The following RP1 variants were observed in gnomAD, a reference collection of about 807,000 sequenced individuals.
RP1 encodes the protein oxygen-regulated protein 1.
Under a neutral mutation model 14.8 loss-of-function variants are expected in RP1, and 16 were observed. The observed-to-expected ratio is 1.08, with a 90% confidence interval of 0.73 to 1.65. The LOEUF is 1.65. Ranked by LOEUF, RP1 falls within the 40% of genes most tolerant of loss-of-function variation. RP1 has a pLI of 0.00. For synonymous variants in RP1, 876 were observed against 883.6 expected (o/e 0.99, Z 0.15); for missense variants, 2,631 against 2,535.0 (o/e 1.04, Z -0.81).
chr8:54,819,843 C>T (rs1271601579), intron 24 of RP1, among the ~76,000 whole-genome samples: 1 of 152,164 alleles, frequency 6.6e-6, no homozygotes, highest in Non-Finnish European at 1.5e-5. Context: ...GCCTCTCTCT[C>T]CATGAAGGGC....
chr8:54,844,594 GT>G (rs1304722109), intron 25 of RP1, among the ~76,000 whole-genome samples: 3 of 152,150 alleles, frequency 2.0e-5, no homozygotes, highest in Non-Finnish European at 4.4e-5. Flanking sequence ...TTGCCTCTGT[GT>G]GTGCGTATGT....
chr8:54,584,785 G>C (rs939539872), intron 1 of RP1, among the ~76,000 whole-genome samples: 4 of 152,052 alleles, frequency 2.6e-5, no homozygotes, highest in Middle Eastern at 3.2e-3. Context: ...GATCTTTGTT[G>C]GTTTATAGTC....
chr8:54,728,318 G>C lies in RP1; in HGVS notation c.2521+1842G>C, dbSNP rs557352834. ...ATAGTTAAAAAGTTGCTTCTTGCAA[G>C]AAATACCTTCCTCTTGGTTTTGCAC... is the stretch of plus-strand genomic sequence containing the variant. On this transcript the variant is annotated intron_variant, in intron 17 of 22. Coordinates refer to the RP1 transcript ENST00000636932. Among the ~76,000 whole-genome samples, 5 of 152,262 alleles carry C rather than the reference G, an allele frequency of 3.3e-5. No homozygotes were observed. The South Asian group carries it at 1.0e-3, about 32-fold the overall frequency.
intron 21 of RP1, among the ~76,000 whole-genome samples, chr8:54,756,782 C>T (rs547325835): frequency 2.6e-5 from 4 of 152,306 alleles, no homozygotes; most frequent in Non-Finnish European, 5.9e-5. Flanking sequence ...ACCCTGGCTG[C>T]CTGCTAGTTG....
rs775731489 is a variant in RP1 at position 54,626,178 on chromosome 8, C to A, written c.2296C>A (p.Gln766Lys). The part of the protein sequence containing the change: ...NFHRNKLNTT[Q>K]NSKVQGLLTK... ...CCATAGAAATAAATTAAATACTACT[C>A]AAAATTCCAAGGTTCAAGGACTTTT... The change falls in exon 4 of 4, where the codon CAA (glutamine) becomes AAA (lysine). Residue 766 changes from glutamine (Q) to lysine (K), a missense_variant. Coordinates refer to ENST00000220676, the MANE Select transcript of RP1 (RefSeq NM_006269.2). 7 of 1,610,930 alleles carry A rather than the reference C, an allele frequency of 4.3e-6. No homozygotes were observed. The highest frequency in any genetic ancestry group is 1.3e-5 in the African/African-American group (1 of 74,628).
chr8:54,809,735 T>C (rs1810942416), intron 24 of RP1, among the ~76,000 whole-genome samples: 1 of 152,236 alleles, frequency 6.6e-6, no homozygotes, highest in African/African-American at 2.4e-5. Context: ...ACTACATGCA[T>C]GCCATTTGCC....
chr8:54,696,909 C>A, intron 12 of RP1: 1 of 811,580 alleles, frequency 1.2e-6, no homozygotes. Context: ...ACAGACAACA[C>A]AGTGATTGAG....
At position 54,627,845 on chromosome 8, in the gene RP1, T is replaced by C. The variant is rs140674233; in HGVS notation, c.3963T>C (p.His1321=). ...SDKACAQKEN[H]TYEGACPIDE... ...AGGCTTGTGCTCAAAAGGAGAACCA[T>C]ACCTATGAGGGAGCTTGCCCAATTG... Residue 1321 remains histidine, a synonymous_variant, in exon 4 of 4, where the codon CAT becomes CAC. Transcript: ENST00000220676. 6.2e-7 allele frequency: 1 copy of C among 1,614,178 alleles called. No individual in the cohort carries two copies. The highest frequency in any genetic ancestry group is 1.1e-5 in the South Asian group (1 of 91,092).
At chr8:54,574,097 A>G (rs1488310351) in intron 1 of RP1, among the ~76,000 whole-genome samples, 1 of 152,170 alleles carries the variant, frequency 6.6e-6, no homozygotes, top group Non-Finnish European at 1.5e-5. Context: ...AGCCAGGCCT[A>G]TACCATGGAG....
chr8:54,618,218 G>C (rs774488011), intron 1 of RP1, among the ~76,000 whole-genome samples: 4 of 152,174 alleles, frequency 2.6e-5, no homozygotes, highest in Non-Finnish European at 5.9e-5. Flanking sequence ...GGTACCTTCA[G>C]CACCTGCCCT....
intron 16 of RP1, among the ~76,000 whole-genome samples, chr8:54,722,274 T>TGTG (rs564438127): frequency 0.022 from 3,193 of 143,714 alleles, 67 homozygotes; most frequent in African/African-American, 0.041. Context: ...GTTTTTTTTT[T>TGTG]TGTGTGTGTG....
intron 12 of RP1, among the ~76,000 whole-genome samples, chr8:54,692,006 C>T (rs571119742): frequency 3.9e-5 from 6 of 152,024 alleles, no homozygotes; most frequent in African/African-American, 1.2e-4. Context: ...GTGATGTTCC[C>T]CTTCCTGTGT....
At chr8:54,617,693 ATTAGACATCCCTCC>A (rs1805754257) in intron 1 of RP1, among the ~76,000 whole-genome samples, 1 of 152,192 alleles carries the variant, frequency 6.6e-6, no homozygotes, top group African/African-American at 2.4e-5. Context: ...CTGAGGCTGT[ATTAGACATCCCTCC>A]TTAATATTCT....
At position 54,621,254 on chromosome 8, in the gene RP1, GGA is replaced by G. The variant is rs1227420635; in HGVS notation, c.290_291del (p.Glu97AlafsTer37). 3 of 1,614,036 alleles carry G rather than the reference GGA, an allele frequency of 1.9e-6. No individual in the cohort carries two copies. Among genetic ancestry groups the G allele is most frequent in the Non-Finnish European group, 2.5e-6 (3 of 1,180,042 alleles). Reference sequence around the variant, plus strand: ...GCAGGCACAGCATCACGCGCCTGGAGGAGCTGGAGGACGGCGAGTCCTACCTA... The same window carrying G: ...GCAGGCACAGCATCACGCGCCTGGAGGCTGGAGGACGGCGAGTCCTACCTA... The part of the protein sequence containing the change: ...RGRHSITRLE[E>X]LEDGESYLCS... On this transcript the variant is annotated frameshift_variant, in exon 2 of 4. Transcript: ENST00000220676. LOFTEE classifies it high-confidence loss of function.
At chr8:54,759,021 C>G (rs1395406359) in exon 22 of RP1, 2 of 1,535,700 alleles carry the variant, frequency 1.3e-6, no homozygotes, top group Non-Finnish European at 1.7e-6. Flanking sequence ...GTACTGTGAA[C>G]AAGTCATAGT....
At position 54,869,543 on chromosome 8, in the gene RP1, C is replaced by A. The variant is rs116273499; in HGVS notation, c.4152-300C>A. On this transcript the variant is annotated intron_variant, in intron 28 of 28. Transcript: ENST00000637698. ...AAAATAACAGCTACCACTAAGGAAA[C>A]TCCAAGTGAGAAATTTTGACTATGT... Among the ~76,000 whole-genome samples the A allele has an allele frequency of 5.1e-3, 778 of 152,308 alleles. 6 individuals are homozygous for A. The highest frequency in any genetic ancestry group is 0.017 in the African/African-American group (714 of 41,568).
chr8:54,740,203 GC>G (rs1220861450), intron 19 of RP1, among the ~76,000 whole-genome samples: 3 of 150,164 alleles, frequency 2.0e-5, no homozygotes, highest in Admixed American at 1.3e-4. Flanking sequence ...ACAGCCTCAG[GC>G]AGCCTTTCAA....
intron 24 of RP1, among the ~76,000 whole-genome samples, chr8:54,835,363 A>G (rs1811632959): frequency 6.6e-6 from 1 of 152,204 alleles, no homozygotes; most frequent in Non-Finnish European, 1.5e-5. Context: ...CCAGGCATGC[A>G]CAATCTATGG....
At chr8:54,582,500 C>T (rs1220906992) in intron 1 of RP1, among the ~76,000 whole-genome samples, 5 of 150,584 alleles carry the variant, frequency 3.3e-5, no homozygotes, top group African/African-American at 7.4e-5. Flanking sequence ...TTTTTTGGTT[C>T]CATATGAACT....
Sources: gnomAD v4.1 joint callset for allele counts (sites outside exome capture counted in the v4.1 genomes callset) on GRCh38, gnomAD v4.1.1 for gene constraint, MANE v1.5 for transcripts, NCBI Gene and HGNC (gene_info 2026-07-23, HGNC 2026-07-21) for gene names.